Variants in INF2 observed in about 807,000 individuals in gnomAD.
INF2 encodes the protein inverted formin-2.
A neutral mutation model predicts 123.5 loss-of-function variants in INF2; 43 were observed. The observed-to-expected ratio is 0.35, with a 90% confidence interval of 0.27 to 0.45. The LOEUF is 0.45. INF2 is among the 20% of genes least tolerant of loss of function. The pLI, the probability that INF2 is intolerant of heterozygous loss-of-function variation, is 1.00. For missense variants in INF2, 1,453 were observed against 1,682.7 expected (o/e 0.86, Z 2.39); for synonymous variants, 851 against 745.0 (o/e 1.14, Z -2.32).
intron 1 of INF2, among the ~76,000 whole-genome samples, chr14:104,697,035 TA>T (rs1490927571): frequency 6.6e-6 from 1 of 152,168 alleles, no homozygotes; most frequent in Non-Finnish European, 1.5e-5. Flanking sequence ...CAGTAGGCAG[TA>T]CCTGCCACCC....
Position 104,713,557 on chromosome 14 carries a change from C to CG in INF2, c.2996dup (p.Ser1000GlnfsTer19), listed in dbSNP as rs1566785725. 3.7e-6 allele frequency: 6 copies of CG among 1,612,238 alleles called. No homozygotes were observed. The highest frequency in any genetic ancestry group is 5.1e-6 in the Non-Finnish European group (6 of 1,179,682). On this transcript the variant is annotated frameshift_variant, in exon 20 of 23. Transcript: ENST00000392634. LOFTEE classifies it high-confidence loss of function. ...CAGCCCGGGGCCGCGGGGACACCGA[C>CG]GGGGGCAGCAAGGCAGCCTCCATGG...
intron 13 of INF2, among the ~76,000 whole-genome samples, 180 bp downstream of exon 13, chr14:104,710,368 C>T (rs1020654092): frequency 6.6e-6 from 1 of 152,122 alleles, no homozygotes; most frequent in African/African-American, 2.4e-5. Context: ...GTGCACACAC[C>T]TACTGGACGC....
chr14:104,695,793 G>A (rs1355444491), intron 1 of INF2, among the ~76,000 whole-genome samples: 1 of 151,932 alleles, frequency 6.6e-6, no homozygotes, highest in East Asian at 1.9e-4. Flanking sequence ...GGCCAGTGGT[G>A]TCCCCTGGCG....
At position 104,710,243 on chromosome 14, in the gene INF2, G is replaced by A. The variant is rs1889980610; in HGVS notation, c.2239+55G>A. ...AGGAGGGACAGGCCTCCGAACCGGG[G>A]CGGGAGGGCTGCTCGGGGCCCCTGC... On this transcript the variant is annotated intron_variant, in intron 13 of 22. Transcript: ENST00000392634. 4.4e-6 allele frequency: 6 copies of A among 1,351,606 alleles called. No homozygotes were observed. In the South Asian group the frequency reaches 6.2e-5, roughly 14 times the overall value. The allele number at this position is 1,351,606 out of a possible 1,614,324, so 83.7% of individuals were successfully genotyped here.
chr14:104,703,989 T>G (rs1350568811), intron 5 of INF2, 40 bp downstream of exon 5: 1 of 1,606,380 alleles, frequency 6.2e-7, no homozygotes, highest in Non-Finnish European at 8.5e-7. Flanking sequence ...CTCCCCCTCC[T>G]GCTCCCAAGG....
chr14:104,686,087 C>T (rs561028029), upstream of INF2, among the ~76,000 whole-genome samples: 23 of 96,876 alleles, frequency 2.4e-4, no homozygotes, highest in African/African-American at 7.5e-4. Flanking sequence ...GTGGATCAGT[C>T]GGTGGGTAGG....
intron 2 of INF2, among the ~76,000 whole-genome samples, chr14:104,702,510 C>A (rs763771847): frequency 2.0e-5 from 3 of 152,222 alleles, no homozygotes; most frequent in Non-Finnish European, 4.4e-5. Flanking sequence ...CCTACCGATG[C>A]TTGGGGACGA....
At chr14:104,689,219 G>T (rs867602566), upstream of INF2, 101 of 985,406 alleles carry the variant, frequency 1.0e-4, no homozygotes, top group South Asian at 1.7e-3. Flanking sequence ...TGGCTGGAAC[G>T]GGAGTCCCGG....
At chr14:104,688,614 A>G (rs1158325806), upstream of INF2, among the ~76,000 whole-genome samples, 2 of 152,242 alleles carry the variant, frequency 1.3e-5, no homozygotes, top group South Asian at 2.1e-4. Context: ...GAGGCTCCAC[A>G]GAGTCATATC....
chr14:104,681,272 T>A (rs1026392711), exon 1 of INF2: 1 of 368,196 alleles, frequency 2.7e-6, no homozygotes, highest in Non-Finnish European at 5.4e-6. Context: ...AGGGGCCTCA[T>A]CAATGCCCCA....
At chr14:104,702,017 C>T (rs1232128096) in intron 2 of INF2, among the ~76,000 whole-genome samples, 1 of 152,208 alleles carries the variant, frequency 6.6e-6, no homozygotes, top group Non-Finnish European at 1.5e-5. Flanking sequence ...TGTTGTGTGG[C>T]TCTGCCCCAC....
chr14:104,701,670 T>C lies in INF2; in HGVS notation c.305T>C (p.Val102Ala). 2 of 1,590,146 alleles carry C rather than the reference T, an allele frequency of 1.3e-6. No individual in the cohort carries two copies. Among genetic ancestry groups the C allele is most frequent in the Non-Finnish European group, 1.7e-6 (2 of 1,169,724 alleles). ...ISDALLQLTC[V>A]SCVRAVMNSR... ...GACGCCCTGCTGCAGCTCACCTGCG[T>C]CAGCTGCGTGCGCGCCGTCATGAAC... Residue 102 changes from valine to alanine, a missense_variant, in exon 2 of 23, where the codon GTC (valine) becomes GCC (alanine). Val to Ala is a moderately conservative substitution (Grantham distance 64, BLOSUM62 0). Coordinates refer to ENST00000392634, the MANE Select transcript of INF2 (RefSeq NM_022489.4).
At chr14:104,708,244 G>A (rs1889877966) in intron 8 of INF2, 192 bp from the exon 9 acceptor site, 2 of 872,780 alleles carry the variant, frequency 2.3e-6, no homozygotes, top group Non-Finnish European at 3.5e-6. Context: ...CATCTGGGGT[G>A]CCATGGTGCC....
At chr14:104,715,820 G>T (rs1890272906) in intron 22 of INF2, 1 of 462,286 alleles carries the variant, frequency 2.2e-6, no homozygotes, top group Non-Finnish European at 4.3e-6. Flanking sequence ...GGCCTTCTGG[G>T]GCATGTCCCC....
At position 104,718,804 on chromosome 14, in the gene INF2, C is replaced by A; in HGVS notation, c.*11C>A. 1 of 1,613,104 alleles carries A rather than the reference C, an allele frequency of 6.2e-7. No individual in the cohort carries two copies. The highest frequency in any genetic ancestry group is 8.5e-7 in the Non-Finnish European group (1 of 1,179,734). On this transcript the variant is annotated 3_prime_UTR_variant, in exon 23 of 23. Coordinates refer to ENST00000392634, the MANE Select transcript of INF2 (RefSeq NM_022489.4). ...TTTCTCTCTCTTACAGGCCTCAGGC[C>A]CAGGCCCAAGGCCAAGTGAGAGAGC...
chr14:104,686,453 G>A (rs574706364), upstream of INF2, among the ~76,000 whole-genome samples: 1 of 152,048 alleles, frequency 6.6e-6, no homozygotes, highest in Non-Finnish European at 1.5e-5. Flanking sequence ...TGGGTGGGTA[G>A]GTGGGTGAAC....
intron 22 of INF2, among the ~76,000 whole-genome samples, chr14:104,716,325 C>T (rs969558068): frequency 3.3e-5 from 5 of 152,380 alleles, no homozygotes; most frequent in Non-Finnish European, 5.9e-5. Flanking sequence ...ACAGCTTGTC[C>T]TCGCTGTTGG....
At chr14:104,710,406 C>T (rs1481294063) in intron 13 of INF2, among the ~76,000 whole-genome samples, 4 of 151,660 alleles carry the variant, frequency 2.6e-5, no homozygotes, top group African/African-American at 4.8e-5. Context: ...CACCGCCACT[C>T]GGGCACGTGC....
At chr14:104,704,043 A>G (rs1889662437) in intron 5 of INF2, 94 bp downstream of exon 5, 3 of 1,588,500 alleles carry the variant, frequency 1.9e-6, no homozygotes, top group African/African-American at 2.7e-5. Context: ...TCACCTAAGC[A>G]GCACCTCCAG....
Sources: allele counts gnomAD v4.1 joint callset (sites outside exome capture counted in the v4.1 genomes callset), GRCh38; gene constraint gnomAD v4.1.1; transcripts MANE v1.5; gene names NCBI Gene and HGNC (gene_info 2026-07-23, HGNC 2026-07-21).